Variants in NCAPD3 observed in about 807,000 individuals in gnomAD.
The protein encoded by NCAPD3 is condensin-2 complex subunit D3.
NCAPD3 carries 105 observed loss-of-function variants against 182.9 expected under a neutral mutation model. The observed-to-expected ratio is 0.57, with a 90% CI of 0.49 to 0.68. NCAPD3 has a LOEUF of 0.68. NCAPD3 is among the 30% of genes least tolerant of loss of function. The probability of loss-of-function intolerance (pLI) is 0.00; values close to 1 mark genes in which losing one functional copy is unlikely to be tolerated. For synonymous variants in NCAPD3, 815 were observed against 679.9 expected, an observed-to-expected ratio of 1.20 and a Z score of -3.09; for missense variants, 1,944 against 1,837.0, an observed-to-expected ratio of 1.06 and a Z score of -1.07.
At chr11:134,171,994 A>G (rs10736611) in intron 24 of NCAPD3, among the ~76,000 whole-genome samples, 66,322 of 151,576 alleles carry the variant, frequency 0.44, 16,671 homozygotes, top group African/African-American at 0.71. Context: ...CGGAACAACA[A>G]AACCAAACTC....
rs760987873 is a variant in NCAPD3, at chr11:134,223,897, G to A, written c.30C>T (p.Gly10=). ...GATCCAGCGGACACCAGGGCTGCAG[G>A]CCGCTACCAAGGCCCCGCAACGCCA... The part of the protein sequence containing the change: MVALRGLGS[G]LQPWCPLDLR... The change falls in exon 1 of 35, where the codon GGC becomes GGT. Residue 10 remains glycine, a synonymous_variant. Coordinates refer to ENST00000534548, the MANE Select transcript of NCAPD3 (RefSeq NM_015261.3). The A allele has an allele frequency of 2.2e-5, 36 of 1,612,606 alleles. No individual in the cohort carries two copies. In the East Asian group the frequency reaches 6.9e-4, roughly 31 times the overall value.
At chr11:134,174,577 G>A (rs1262303286) in intron 24 of NCAPD3, among the ~76,000 whole-genome samples, 1 of 151,928 alleles carries the variant, frequency 6.6e-6, no homozygotes, top group Non-Finnish European at 1.5e-5. Flanking sequence ...GCAGAGAGAA[G>A]AATTGTGGTT....
chr11:134,165,923 T>TA (rs1943774306), intron 27 of NCAPD3, among the ~76,000 whole-genome samples: 1 of 89,286 alleles, frequency 1.1e-5, no homozygotes, highest in African/African-American at 4.6e-5. Context: ...GAGATGAGCT[T>TA]GGGGGAGCAG....
chr11:134,186,628 T>G (rs767612551), intron 16 of NCAPD3, among the ~76,000 whole-genome samples: 7 of 152,212 alleles, frequency 4.6e-5, no homozygotes, highest in African/African-American at 7.2e-5. Context: ...AAAAATACAC[T>G]TCTTCCCTTG....
chr11:134,225,460 C>T, upstream of NCAPD3: 2 of 1,052,530 alleles, frequency 1.9e-6, no homozygotes, highest in Non-Finnish European at 2.8e-6. Flanking sequence ...CAACTGCAGT[C>T]TGAGGCCTGG....
chr11:134,216,003 C>G (rs1473485519), intron 3 of NCAPD3, among the ~76,000 whole-genome samples: 2 of 152,208 alleles, frequency 1.3e-5, no homozygotes, highest in Admixed American at 1.3e-4. Context: ...CCTCTTTGCT[C>G]TGGCATAAAT....
intron 2 of NCAPD3, among the ~76,000 whole-genome samples, chr11:134,219,272 C>T (rs1229775635): frequency 1.3e-5 from 2 of 152,182 alleles, no homozygotes; most frequent in African/African-American, 2.4e-5. Context: ...CCCTTTTTCA[C>T]ACCCTATGCA....
chr11:134,181,381 A>G (rs1944293540), intron 19 of NCAPD3, among the ~76,000 whole-genome samples, 197 bp from the exon 20 acceptor site: 1 of 152,222 alleles, frequency 6.6e-6, no homozygotes, highest in African/African-American at 2.4e-5. Context: ...GTACTGGCTA[A>G]GTGGAATTTA....
At chr11:134,208,745 T>C (rs1937712184) in intron 7 of NCAPD3, 119 bp downstream of exon 7, 4 of 705,524 alleles carry the variant, frequency 5.7e-6, no homozygotes, top group South Asian at 1.7e-5. Flanking sequence ...TATAAGGTCA[T>C]GAAAATGAGC....
intron 32 of NCAPD3, 93 bp downstream of exon 32, chr11:134,156,925 G>T: frequency 3.6e-6 from 4 of 1,116,182 alleles, no homozygotes; most frequent in Non-Finnish European, 5.3e-6. Context: ...GAACTATCCT[G>T]CACCGGAAGG....
chr11:134,176,810 G>C (rs906801552), intron 23 of NCAPD3, among the ~76,000 whole-genome samples: 1 of 152,176 alleles, frequency 6.6e-6, no homozygotes, highest in African/African-American at 2.4e-5. Context: ...ACACGGAAAC[G>C]TCCCACTGGA....
intron 32 of NCAPD3, among the ~76,000 whole-genome samples, chr11:134,155,931 C>G (rs1334963880): frequency 6.6e-6 from 1 of 152,208 alleles, no homozygotes; most frequent in African/African-American, 2.4e-5. Context: ...GTTAACTATT[C>G]TAAGAGATCA....
intron 32 of NCAPD3, among the ~76,000 whole-genome samples, chr11:134,154,246 G>A (rs1026320184): frequency 3.3e-5 from 5 of 152,244 alleles, no homozygotes; most frequent in Middle Eastern, 3.4e-3. Flanking sequence ...TATCATCCCT[G>A]CATCACTGGA....
intron 7 of NCAPD3, 67 bp from the exon 8 acceptor site, chr11:134,206,799 G>C: frequency 6.6e-7 from 1 of 1,503,868 alleles, no homozygotes; most frequent in Non-Finnish European, 9.0e-7. Context: ...ACATAGTGAT[G>C]CAGACTGTAG....
At position 134,169,041 on chromosome 11, in the gene NCAPD3, A is replaced by C; in HGVS notation, c.3115T>G (p.Cys1039Gly). Residue 1039 changes from cysteine to glycine, a missense_variant, in exon 25 of 35, where the codon TGC becomes GGC. Coordinates refer to ENST00000534548, the MANE Select transcript of NCAPD3 (RefSeq NM_015261.3). ...CTCTTCAGTAACAGGTGAGCCAGGC[A>C]AAACTCCCCGAAGCTGCAAAGGTGA... The part of the protein sequence containing the change: ...HPDIASFGEF[C>G]LAHLLLKRNP... 1 of 1,613,852 alleles carries C rather than the reference A, an allele frequency of 6.2e-7. No individual in the cohort carries two copies. The highest frequency in any genetic ancestry group is 8.5e-7 in the Non-Finnish European group (1 of 1,179,870).
At chr11:134,167,931 G>A (rs202082651) in intron 27 of NCAPD3, 65 bp downstream of exon 27, 1 of 1,484,100 alleles carries the variant, frequency 6.7e-7, no homozygotes, top group South Asian at 1.2e-5. Flanking sequence ...ACACTCGTGA[G>A]ATGAGCTTAG....
At chr11:134,182,071 G>A (rs916564213) in intron 19 of NCAPD3, among the ~76,000 whole-genome samples, 1 of 152,126 alleles carries the variant, frequency 6.6e-6, no homozygotes, top group African/African-American at 2.4e-5. Flanking sequence ...TTAATAGATT[G>A]CACAACCTGG....
chr11:134,153,397 C>A (rs374173251), intron 32 of NCAPD3, 34 bp from the exon 33 acceptor site: 73 of 1,606,180 alleles, frequency 4.5e-5, no homozygotes, highest in Non-Finnish European at 6.1e-5. Context: ...GAGTGAAAGC[C>A]GCGTGGTCTA....
At chr11:134,211,164 G>A (rs1442669342) in intron 3 of NCAPD3, among the ~76,000 whole-genome samples, 3 of 152,152 alleles carry the variant, frequency 2.0e-5, no homozygotes, top group Non-Finnish European at 4.4e-5. Flanking sequence ...AGAGACCTCA[G>A]AACAAACACA....
Sources: gnomAD v4.1 joint callset for allele counts (sites outside exome capture counted in the v4.1 genomes callset) on GRCh38, gnomAD v4.1.1 for gene constraint, MANE v1.5 for transcripts, NCBI Gene and HGNC (gene_info 2026-07-23, HGNC 2026-07-21) for gene names.